Variants in GRIK2 observed in about 807,000 individuals in gnomAD.
GRIK2 encodes glutamate ionotropic receptor kainate type subunit 2, also known as glutamate receptor ionotropic, kainate 2.
GRIK2 carries 32 observed loss-of-function variants against 100.3 expected under a neutral mutation model. The ratio of observed to expected loss-of-function variants is 0.32; its 90% confidence interval spans 0.24 to 0.43. The LOEUF (loss-of-function observed/expected upper bound fraction) is 0.43, where lower values mean the gene tolerates loss of function less well. GRIK2 is among the 20% of genes least tolerant of loss of function. GRIK2 has a pLI of 1.00. For synonymous variants in GRIK2, 417 were observed against 389.4 expected (o/e 1.07, Z -0.83); for missense variants, 843 against 1,114.9 (o/e 0.76, Z 3.47).
chr6:101,975,821 A>G (rs1246279298), intron 14 of GRIK2, among the ~76,000 whole-genome samples: 1 of 151,418 alleles, frequency 6.6e-6, no homozygotes, highest in African/African-American at 2.4e-5. Context: ...CTATCTATCT[A>G]TCTATCTATC....
At chr6:101,912,527 C>T (rs1048031388) in intron 12 of GRIK2, among the ~76,000 whole-genome samples, 6 of 151,608 alleles carry the variant, frequency 4.0e-5, no homozygotes, top group East Asian at 3.9e-4. Flanking sequence ...GGCTAAGACT[C>T]GCTTCTCTTC....
chr6:101,522,953 G>A (rs1268092049), intron 2 of GRIK2, among the ~76,000 whole-genome samples: 1 of 150,872 alleles, frequency 6.6e-6, no homozygotes, highest in African/African-American at 2.4e-5. Context: ...TTAAATTAAT[G>A]AACTAATGAG....
chr6:102,028,665 T>C (rs1039364522), intron 14 of GRIK2, among the ~76,000 whole-genome samples: 1 of 140,306 alleles, frequency 7.1e-6, no homozygotes, highest in Non-Finnish European at 1.6e-5. Flanking sequence ...ATTGATTCTC[T>C]TGGCTTTATC....
At chr6:101,646,902 A>G (rs1781549088) in intron 4 of GRIK2, among the ~76,000 whole-genome samples, 1 of 151,978 alleles carries the variant, frequency 6.6e-6, no homozygotes, top group African/African-American at 2.4e-5. Flanking sequence ...GAAGAGAGAC[A>G]AGAAAGAGAT....
At chr6:101,566,579 A>G (rs1777287518) in intron 2 of GRIK2, among the ~76,000 whole-genome samples, 2 of 151,874 alleles carry the variant, frequency 1.3e-5, no homozygotes, top group South Asian at 4.1e-4. Flanking sequence ...CAAACTAAGA[A>G]ACAACAACTT....
At chr6:101,537,440 GTT>G (rs200633958) in intron 2 of GRIK2, among the ~76,000 whole-genome samples, 29,425 of 102,926 alleles carry the variant, frequency 0.29, 3,587 homozygotes, top group African/African-American at 0.47. Context: ...GTGTGTGTGT[GTT>G]TGTGTGTGTG....
At chr6:101,793,487 G>T (rs1195158604) in intron 7 of GRIK2, among the ~76,000 whole-genome samples, 1 of 152,294 alleles carries the variant, frequency 6.6e-6, no homozygotes, top group Non-Finnish European at 1.5e-5. Context: ...GACCCTGTTT[G>T]CCTGGGTATC....
chr6:101,971,699 A>G (rs1183949845), intron 14 of GRIK2, among the ~76,000 whole-genome samples: 3 of 151,934 alleles, frequency 2.0e-5, no homozygotes, highest in African/African-American at 7.2e-5. Flanking sequence ...TCACCCAGGT[A>G]TTGAGAATAG....
intron 10 of GRIK2, among the ~76,000 whole-genome samples, chr6:101,842,125 C>T (rs758621889): frequency 6.6e-6 from 1 of 152,116 alleles, no homozygotes; most frequent in Non-Finnish European, 1.5e-5. Context: ...TCGTTTTTAA[C>T]GACCACAGGG....
intron 16 of GRIK2, among the ~76,000 whole-genome samples, chr6:102,057,963 T>C (rs984144640): frequency 6.6e-6 from 1 of 151,812 alleles, no homozygotes; most frequent in Non-Finnish European, 1.5e-5. Flanking sequence ...CATAGCTTGT[T>C]TCTAAGAAGT....
At chr6:101,780,545 C>T (rs1779021702) in intron 7 of GRIK2, among the ~76,000 whole-genome samples, 1 of 152,114 alleles carries the variant, frequency 6.6e-6, no homozygotes, top group South Asian at 2.1e-4. Context: ...TTCTGTGGCA[C>T]AGAGTTAAGG....
chr6:101,897,034 A>T (rs1787503091), intron 12 of GRIK2, among the ~76,000 whole-genome samples: 1 of 149,486 alleles, frequency 6.7e-6, no homozygotes, highest in African/African-American at 2.5e-5. Flanking sequence ...ACACACACAG[A>T]CACATACACA....
At chr6:102,013,781 T>C (rs1424499533) in intron 14 of GRIK2, among the ~76,000 whole-genome samples, 1 of 152,152 alleles carries the variant, frequency 6.6e-6, no homozygotes, top group African/African-American at 2.4e-5. Context: ...GGAAAATGCC[T>C]ACTTGATTGT....
intron 14 of GRIK2, among the ~76,000 whole-genome samples, chr6:102,016,203 C>A (rs1795824735): frequency 6.6e-6 from 1 of 152,046 alleles, no homozygotes. Flanking sequence ...GAATGAAGAT[C>A]ATCAAGGTTC....
At chr6:102,006,390 A>ATATTTTCTTTTT (rs1315524835) in intron 14 of GRIK2, among the ~76,000 whole-genome samples, 1 of 114,104 alleles carries the variant, frequency 8.8e-6, no homozygotes, top group African/African-American at 4.6e-5. Flanking sequence ...ATATATATAT[A>ATATTTTCTTTTT]TTTTTTTTTT....
chr6:101,928,317 T>C, intron 13 of GRIK2, 98 bp from the exon 14 acceptor site: 1 of 696,194 alleles, frequency 1.4e-6, no homozygotes, highest in Non-Finnish European at 2.6e-6. Context: ...TTTAAGCTTT[T>C]ATTACACAGT....
intron 16 of GRIK2, among the ~76,000 whole-genome samples, chr6:102,065,384 G>A (rs1208250353): frequency 6.6e-6 from 1 of 151,142 alleles, no homozygotes; most frequent in Non-Finnish European, 1.5e-5. Flanking sequence ...GGTTTTAAAT[G>A]TTCTTATTTG....
chr6:101,794,327 G>C (rs568991546), intron 7 of GRIK2, among the ~76,000 whole-genome samples: 36 of 152,066 alleles, frequency 2.4e-4, no homozygotes, highest in African/African-American at 8.4e-4. Context: ...CTGTAGACCG[G>C]AGCTGTTCCT....
intron 12 of GRIK2, among the ~76,000 whole-genome samples, chr6:101,909,687 T>G (rs1788525075): frequency 4.8e-5 from 2 of 41,692 alleles, no homozygotes; most frequent in South Asian, 2.3e-3. Flanking sequence ...ATTGCCTTTT[T>G]GAAAAAAATA....
Sources: allele counts gnomAD v4.1 joint callset (sites outside exome capture counted in the v4.1 genomes callset), GRCh38; gene constraint gnomAD v4.1.1; transcripts MANE v1.5; gene names NCBI Gene and HGNC (gene_info 2026-07-23, HGNC 2026-07-21).